Variants in LRRC4C observed in about 807,000 individuals in gnomAD.
LRRC4C encodes leucine rich repeat containing 4C.
Under a neutral mutation model 33.6 loss-of-function variants are expected in LRRC4C, and 5 were observed. That is an observed-to-expected ratio of 0.15 (90% CI 0.08 to 0.31). The LOEUF (loss-of-function observed/expected upper bound fraction) is 0.31, where lower values mean the gene tolerates loss of function less well. LRRC4C is among the 10% of genes least tolerant of loss of function. LRRC4C has a pLI of 1.00. For missense variants in LRRC4C, 560 were observed against 796.7 expected (o/e 0.70, Z 3.58); for synonymous variants, 329 against 302.0 (o/e 1.09, Z -0.93).
intron 4 of LRRC4C, among the ~76,000 whole-genome samples, chr11:40,290,307 A>G (rs1338085838): frequency 6.6e-6 from 1 of 152,216 alleles, no homozygotes; most frequent in Non-Finnish European, 1.5e-5. Context: ...ATGCAAAAAA[A>G]GTGCAGAGAA....
intron 3 of LRRC4C, among the ~76,000 whole-genome samples, chr11:40,568,627 G>A (rs1957857703): frequency 6.6e-6 from 1 of 152,268 alleles, no homozygotes; most frequent in East Asian, 1.9e-4. Flanking sequence ...ATTGATATGA[G>A]CAGAAACACT....
At position 41,059,210 on chromosome 11, in the gene LRRC4C, G is replaced by GTT. The variant is rs397935483; in HGVS notation, c.-495-125489_-495-125488dup. Among the ~76,000 whole-genome samples the GTT allele has an allele frequency of 1.4e-3, 181 of 125,194 alleles. 6 individuals are homozygous for GTT. Among genetic ancestry groups the GTT allele is most frequent in the Non-Finnish European group, 4.9e-4 (30 of 61,590 alleles). 82.1% of individuals were successfully genotyped at this position (125,194 alleles called of 152,430 possible). ...ATATACTCCTGATACTAAAATAAAA[G>GTT]TTTTTTTTTTTTTTTAAGAAAAAGA... On this transcript the variant is annotated intron_variant, in intron 1 of 6. Coordinates refer to ENST00000528697, the MANE Select transcript of LRRC4C (RefSeq NM_001258419.2).
chr11:40,572,267 T>C (rs1958012194), intron 3 of LRRC4C, among the ~76,000 whole-genome samples: 1 of 152,190 alleles, frequency 6.6e-6, no homozygotes, highest in African/African-American at 2.4e-5. Flanking sequence ...CTGGGATAGA[T>C]ACTAAGGTCC....
intron 2 of LRRC4C, among the ~76,000 whole-genome samples, chr11:40,770,289 T>A (rs984641174): frequency 4.0e-5 from 6 of 151,892 alleles, no homozygotes; most frequent in African/African-American, 1.5e-4. Flanking sequence ...GAGTGCAGAG[T>A]GAAGGCAGAG....
intron 5 of LRRC4C, among the ~76,000 whole-genome samples, chr11:40,223,684 A>T (rs541008421): frequency 9.8e-5 from 15 of 152,292 alleles, no homozygotes; most frequent in African/African-American, 3.4e-4. Flanking sequence ...CTATTTTAAA[A>T]TGTCACCCAA....
intron 1 of LRRC4C, among the ~76,000 whole-genome samples, chr11:41,103,854 A>G (rs1194407537): frequency 6.6e-6 from 1 of 151,994 alleles, no homozygotes; most frequent in African/African-American, 2.4e-5. Context: ...GATTTTTGAG[A>G]AAGGTGCTAA....
chr11:40,812,034 C>G (rs1951514515), intron 2 of LRRC4C, among the ~76,000 whole-genome samples: 1 of 152,190 alleles, frequency 6.6e-6, no homozygotes, highest in Non-Finnish European at 1.5e-5. Context: ...TATTATTTCA[C>G]TTATCATCCT....
At chr11:41,025,163 T>C (rs975260521) in intron 1 of LRRC4C, among the ~76,000 whole-genome samples, 4 of 151,642 alleles carry the variant, frequency 2.6e-5, no homozygotes, top group East Asian at 3.9e-4. Flanking sequence ...TACAATGGCC[T>C]TTAAGTTTGC....
At chr11:40,782,871 C>A (rs1199392361) in intron 2 of LRRC4C, among the ~76,000 whole-genome samples, 1 of 152,000 alleles carries the variant, frequency 6.6e-6, no homozygotes, top group African/African-American at 2.4e-5. Flanking sequence ...CATGTGTATA[C>A]ATCTACATAC....
chr11:40,713,339 T>C (rs1400569329), intron 2 of LRRC4C, among the ~76,000 whole-genome samples: 1 of 152,226 alleles, frequency 6.6e-6, no homozygotes, highest in Non-Finnish European at 1.5e-5. Context: ...GCATGCCCTT[T>C]AGAAAATTTG....
rs544352938 is a variant in LRRC4C, at chr11:41,450,894, A to T, written c.-496+8537T>A. Reference sequence around the variant, plus strand: ...TATACATATTTAAGACAAACCTCAAATTCCCCTTCCTTCTTTAATCTTTCC... The same window carrying T: ...TATACATATTTAAGACAAACCTCAATTTCCCCTTCCTTCTTTAATCTTTCC... On this transcript the variant is annotated intron_variant, in intron 1 of 6. Transcript: ENST00000528697. Among the ~76,000 whole-genome samples the T allele has an allele frequency of 3.9e-5, 6 of 152,114 alleles. No homozygotes were observed. In the East Asian group the frequency reaches 1.2e-3, roughly 29 times the overall value.
At chr11:40,922,464 C>A (rs571297478) in intron 2 of LRRC4C, among the ~76,000 whole-genome samples, 2 of 152,200 alleles carry the variant, frequency 1.3e-5, no homozygotes, top group Non-Finnish European at 2.9e-5. Flanking sequence ...TTAACAGAAA[C>A]CTTGAACTCT....
Position 40,750,463 on chromosome 11 carries a change from C to A in LRRC4C, c.-406-102185G>T, listed in dbSNP as rs557123819. The stretch of plus-strand genomic sequence containing the variant: ...ATGTGGCACATATACACCATGGAAT[C>A]CTATGCAGCCATAAAAAAGGATGAG... On this transcript the variant is annotated intron_variant, in intron 2 of 6. Coordinates refer to ENST00000528697, the MANE Select transcript of LRRC4C (RefSeq NM_001258419.2). Among the ~76,000 whole-genome samples the A allele has an allele frequency of 8.6e-4, 131 of 151,762 alleles. 1 individual carries two copies. Among genetic ancestry groups the A allele is most frequent in the African/African-American group, 2.6e-3 (107 of 41,404 alleles).
chr11:40,857,844 G>A (rs376226128), intron 2 of LRRC4C, among the ~76,000 whole-genome samples: 1 of 152,116 alleles, frequency 6.6e-6, no homozygotes, highest in Admixed American at 6.5e-5. Flanking sequence ...GAGCCCAGGA[G>A]GTCGAGGCTG....
chr11:40,828,078 A>G (rs1354317306), intron 2 of LRRC4C, among the ~76,000 whole-genome samples: 1 of 151,646 alleles, frequency 6.6e-6, no homozygotes, highest in Non-Finnish European at 1.5e-5. Context: ...CCTAAGCTAA[A>G]AAATTGTGGA....
chr11:41,017,690 G>A (rs1855687840), intron 1 of LRRC4C, among the ~76,000 whole-genome samples: 1 of 151,472 alleles, frequency 6.6e-6, no homozygotes, highest in South Asian at 2.1e-4. Flanking sequence ...GGGAGAGAAA[G>A]ATTGGGAAAG....
intron 3 of LRRC4C, among the ~76,000 whole-genome samples, chr11:40,528,398 C>T (rs950874987): frequency 6.6e-6 from 1 of 151,900 alleles, no homozygotes; most frequent in Non-Finnish European, 1.5e-5. Flanking sequence ...TAAAAAGATT[C>T]TCAACATCAC....
chr11:41,285,147 C>T (rs1400111436), intron 1 of LRRC4C, among the ~76,000 whole-genome samples: 1 of 152,274 alleles, frequency 6.6e-6, no homozygotes, highest in South Asian at 2.1e-4. Flanking sequence ...TGTTAAACAG[C>T]ACACAATGAA....
intron 3 of LRRC4C, among the ~76,000 whole-genome samples, chr11:40,537,054 C>T (rs926549043): frequency 3.9e-5 from 6 of 152,144 alleles, no homozygotes; most frequent in African/African-American, 1.4e-4. Context: ...GTGAGTGAAC[C>T]CTGTCAAAAT....
Sources: gnomAD v4.1 joint callset for allele counts (sites outside exome capture counted in the v4.1 genomes callset) on GRCh38, gnomAD v4.1.1 for gene constraint, MANE v1.5 for transcripts, NCBI Gene and HGNC (gene_info 2026-07-23, HGNC 2026-07-21) for gene names.